Variants in GAL3ST3 observed in about 807,000 individuals in gnomAD.
The protein encoded by GAL3ST3 is galactose-3-O-sulfotransferase 3.
In GAL3ST3, 21 loss-of-function variants were observed where a neutral mutation model predicts 20.8. The ratio of observed to expected loss-of-function variants is 1.01; its 90% CI spans 0.72 to 1.45. The LOEUF (loss-of-function observed/expected upper bound fraction) is 1.45, where lower values mean the gene tolerates loss of function less well. Ranked by LOEUF, GAL3ST3 falls within the 40% of genes most tolerant of loss-of-function variation. GAL3ST3 has a pLI of 0.00. For synonymous variants in GAL3ST3, 355 were observed against 307.2 expected (o/e 1.16, Z -1.63); for missense variants, 739 against 662.7 (o/e 1.12, Z -1.26).
chr11:66,041,378 A>C lies in GAL3ST3; in HGVS notation c.*1129T>G, dbSNP rs951661929. On this transcript the variant is annotated 3_prime_UTR_variant, in exon 3 of 3. Transcript: ENST00000312006. ...CAATTCTCTGCTAGTCTTAAGGGAG[A>C]TTTCACCTGGAAGTGCTGGCTATCT... is the stretch of plus-strand genomic sequence containing the variant. Among the ~76,000 whole-genome samples, 2 of 152,176 alleles carry C rather than the reference A, an allele frequency of 1.3e-5. No homozygotes were observed. Among genetic ancestry groups the C allele is most frequent in the African/African-American group, 4.8e-5 (2 of 41,434 alleles).
In GAL3ST3 at chr11:66,042,821, G is replaced by A; in HGVS notation, c.982C>T (p.Arg328Cys). 1.4e-6 allele frequency: 2 copies of A among 1,408,482 alleles called. No homozygotes were observed. The highest frequency in any genetic ancestry group is 2.9e-5 in the East Asian group (1 of 34,832). The allele number at this position is 1,408,482 out of a possible 1,614,324, so 87.2% of individuals were successfully genotyped here. A position where few individuals can be genotyped will look rare whatever the true frequency, so the allele number is the denominator to read the frequency against. The change falls in exon 3 of 3, where the codon CGC becomes TGC. Residue 328 changes from arginine (R) to cysteine (C), a missense_variant. Physicochemically the swap from Arg to Cys is radical, Grantham distance 180. Transcript: ENST00000312006. ...AAGCAGCGCCGCAGTAGGCGCTGGC[G>A]GGCCTCGCGCAGCTCGCGCGCCTCG... ...EREARELREA[R>C]QRLLRRCFGD...
At position 66,043,626 on chromosome 11, in the gene GAL3ST3, C is replaced by A. The variant is rs760719703; in HGVS notation, c.177G>T (p.Pro59=). The stretch of plus-strand genomic sequence containing the variant: ...AGGCCACAGTCATGTGCTTGGGGCG[C>A]GGCGGCGAGTTCCGCAGAGGAGGGC... ...LSCPPLRNSP[P]RPKHMTVAFL... Residue 59 remains proline, a synonymous_variant, in exon 3 of 3, where the codon CCG becomes CCT. Coordinates refer to ENST00000312006, the MANE Select transcript of GAL3ST3 (RefSeq NM_033036.3). 6.2e-7 allele frequency: 1 copy of A among 1,611,928 alleles called. No individual in the cohort carries two copies. The highest frequency in any genetic ancestry group is 1.3e-5 in the African/African-American group (1 of 74,876).
At chr11:66,048,614 C>T (rs947110407) in intron 1 of GAL3ST3, among the ~76,000 whole-genome samples, 1 of 151,544 alleles carries the variant, frequency 6.6e-6, no homozygotes, top group African/African-American at 2.4e-5. Flanking sequence ...TTCCACCTCC[C>T]TCTTTTTCCT....
chr11:66,042,328 AAGGTTCAGCCCACGATCGGG>A lies in GAL3ST3; in HGVS notation c.*159_*178del. On this transcript the variant is annotated 3_prime_UTR_variant, in exon 3 of 3. Coordinates refer to ENST00000312006, the MANE Select transcript of GAL3ST3 (RefSeq NM_033036.3). The stretch of plus-strand genomic sequence containing the variant: ...GCCTATCAGCGCCGTGCCCGAAGGC[AAGGTTCAGCCCACGATCGGG>A]AGCGGGGGCTCAGATAGGGAGGCGT... 1.8e-6 allele frequency: 1 copy of A among 549,016 alleles called. No homozygotes were observed. The highest frequency in any genetic ancestry group is 3.1e-6 in the Non-Finnish European group (1 of 321,286). 34.0% of individuals were successfully genotyped at this position (549,016 alleles called of 1,614,324 possible).
At position 66,042,252 on chromosome 11, in the gene GAL3ST3, T is replaced by G; in HGVS notation, c.*255A>C. ...TTCTGGACAGCCCTCAGGCCTCTTG[T>G]CAAAATCACCAACCAGCTGGGAAGG... On this transcript the variant is annotated 3_prime_UTR_variant, in exon 3 of 3. Coordinates refer to ENST00000312006, the MANE Select transcript of GAL3ST3 (RefSeq NM_033036.3). 3 of 457,582 alleles carry G rather than the reference T, an allele frequency of 6.6e-6. No homozygotes were observed. Among genetic ancestry groups the G allele is most frequent in the Admixed American group, 4.2e-5 (1 of 23,590 alleles). 28.3% of individuals were successfully genotyped at this position (457,582 alleles called of 1,614,324 possible).
In GAL3ST3 at chr11:66,043,128, C is replaced by G. The variant is rs150940428; in HGVS notation, c.675G>C (p.Ala225=). The G allele has an allele frequency of 4.3e-6, 7 of 1,611,650 alleles. No homozygotes were observed. In the Admixed American group the frequency reaches 1.0e-4, roughly 23 times the overall value. The change falls in exon 3 of 3, where the codon GCG becomes GCC. Residue 225 remains alanine, a synonymous_variant. Transcript: ENST00000312006. ...CCTCCTCCACCTGGCGGATGAGGCC[C>G]GCCAGGTAGGCGGCGTCGTCGCGCG... ...RSPRDDAAYL[A]GLIRQVEEVF... is the part of the protein sequence containing the mutation.
chr11:66,042,571 G>C lies in GAL3ST3; in HGVS notation c.1232C>G (p.Pro411Arg). The C allele has an allele frequency of 6.5e-7, 1 of 1,534,632 alleles. No homozygotes were observed. Among genetic ancestry groups the C allele is most frequent in the Non-Finnish European group, 8.7e-7 (1 of 1,147,124 alleles). The change falls in exon 3 of 3, where the codon CCC (proline) becomes CGC (arginine). Residue 411 changes from proline (P) to arginine (R), a missense_variant. Physicochemically the swap from Pro to Arg is moderately radical, Grantham distance 103 (BLOSUM62 -2). Coordinates refer to ENST00000312006, the MANE Select transcript of GAL3ST3 (RefSeq NM_033036.3). Reference protein sequence around the residue: ...RRGGARARPEPVLDNPPPRPI... With the variant: ...RRGGARARPERVLDNPPPRPI... ...CCGAGGCGGGGGATTGTCCAGGACG[G>C]GCTCGGGCCGAGCCCGCGCACCGCC...
chr11:66,045,020 A>G (rs1227228300), intron 2 of GAL3ST3: 2 of 277,424 alleles, frequency 7.2e-6, no homozygotes, highest in Non-Finnish European at 1.3e-5. Flanking sequence ...GCACTACGGA[A>G]GTTGTGAGAA....
At position 66,045,471 on chromosome 11, in the gene GAL3ST3, C is replaced by T; in HGVS notation, c.-56G>A. 1.3e-6 allele frequency: 2 copies of T among 1,489,884 alleles called. No individual in the cohort carries two copies. Among genetic ancestry groups the T allele is most frequent in the Non-Finnish European group, 1.8e-6 (2 of 1,115,866 alleles). 92.3% of individuals were successfully genotyped at this position (1,489,884 alleles called of 1,614,324 possible). A position where few individuals can be genotyped will look rare whatever the true frequency, so the allele number is the denominator to read the frequency against. On this transcript the variant is annotated 5_prime_UTR_variant, in exon 2 of 3. The change creates a new upstream start codon in the 5' untranslated region. Coordinates refer to ENST00000312006, the MANE Select transcript of GAL3ST3 (RefSeq NM_033036.3). ...GCCTCACTATCCAGGACTCCCTTCA[C>T]AGGCACTCATGGGGGATCCTGCGGC...
rs1339874629 is a variant in GAL3ST3 at position 66,042,576 on chromosome 11, G to C, written c.1227C>G (p.Pro409=). 1.8e-5 allele frequency: 28 copies of C among 1,534,818 alleles called. No individual in the cohort carries two copies. Among genetic ancestry groups the C allele is most frequent in the Non-Finnish European group, 2.4e-5 (27 of 1,147,140 alleles). The change falls in exon 3 of 3, where the codon CCC becomes CCG. Residue 409 remains proline, a synonymous_variant. Transcript: ENST00000312006. The part of the protein sequence containing the change: ...QKRRGGARAR[P]EPVLDNPPPR... Reference sequence around the variant, plus strand: ...GCGGGGGATTGTCCAGGACGGGCTCGGGCCGAGCCCGCGCACCGCCCCGGC... The same window carrying C: ...GCGGGGGATTGTCCAGGACGGGCTCCGGCCGAGCCCGCGCACCGCCCCGGC...
In GAL3ST3 at chr11:66,042,793, C is replaced by G. The variant is rs909295969; in HGVS notation, c.1010G>C (p.Gly337Ala). Residue 337 changes from glycine to alanine, a missense_variant, in exon 3 of 3, where the codon GGG becomes GCG. By Grantham distance (60) the Gly-to-Ala change is moderately conservative. Coordinates refer to ENST00000312006, the MANE Select transcript of GAL3ST3 (RefSeq NM_033036.3). ...GGCAGGCCGCAGCAGTGGCTCGTCC[C>G]CGAAGCAGCGCCGCAGTAGGCGCTG... is the stretch of plus-strand genomic sequence containing the variant. Reference protein sequence around the residue: ...ARQRLLRRCFGDEPLLRPAAQ... With the variant: ...ARQRLLRRCFADEPLLRPAAQ... The G allele has an allele frequency of 2.0e-5, 29 of 1,475,798 alleles. No individual in the cohort carries two copies. Among genetic ancestry groups the G allele is most frequent in the Non-Finnish European group, 2.5e-5 (28 of 1,123,514 alleles). 91.4% of individuals were successfully genotyped at this position (1,475,798 alleles called of 1,614,324 possible). A position where few individuals can be genotyped will look rare whatever the true frequency, so the allele number is the denominator to read the frequency against.
At position 66,042,690 on chromosome 11, in the gene GAL3ST3, G is replaced by C; in HGVS notation, c.1113C>G (p.Gly371=). Residue 371 remains glycine, a synonymous_variant, in exon 3 of 3, where the codon GGC becomes GGG. Coordinates refer to ENST00000312006, the MANE Select transcript of GAL3ST3 (RefSeq NM_033036.3). ...CCTCGGTGGCCGGGCCGGCGCCGCC[G>C]CCGGGCAGGTCATAGCCCATAATGT... is the stretch of plus-strand genomic sequence containing the variant. ...KVDIMGYDLP[G]GGAGPATEAC... is the part of the protein sequence containing the mutation. The C allele has an allele frequency of 2.0e-6, 3 of 1,534,014 alleles. No individual in the cohort carries two copies. The highest frequency in any genetic ancestry group is 2.6e-6 in the Non-Finnish European group (3 of 1,145,796).
chr11:66,045,262 C>T (rs779311996), intron 2 of GAL3ST3, 29 bp downstream of exon 2: 2 of 1,489,450 alleles, frequency 1.3e-6, no homozygotes, highest in African/African-American at 1.4e-5. Context: ...GAGGGGAGCT[C>T]CGGCCCCCCT....
intron 1 of GAL3ST3, among the ~76,000 whole-genome samples, chr11:66,047,144 T>C (rs1285546782): frequency 2.6e-5 from 4 of 152,096 alleles, no homozygotes; most frequent in Admixed American, 6.5e-5. Flanking sequence ...CCCTGTCTCT[T>C]CAAGGATTGC....
chr11:66,045,477 C>A lies in GAL3ST3; in HGVS notation c.-62G>T. The A allele has an allele frequency of 6.8e-7, 1 of 1,460,818 alleles. No individual in the cohort carries two copies. Among genetic ancestry groups the A allele is most frequent in the Non-Finnish European group, 9.1e-7 (1 of 1,098,970 alleles). 90.5% of individuals were successfully genotyped at this position (1,460,818 alleles called of 1,614,324 possible). On this transcript the variant is annotated 5_prime_UTR_variant, in exon 2 of 3. Transcript: ENST00000312006. ...CTATCCAGGACTCCCTTCACAGGCA[C>A]TCATGGGGGATCCTGCGGCTCTGGT...
Position 66,042,788 on chromosome 11 carries a change from C to A in GAL3ST3, c.1015G>T (p.Glu339Ter), listed in dbSNP as rs1464501694. Residue 339 changes from glutamate (E) to a stop codon, truncating the protein, a stop_gained, in exon 3 of 3, where the codon GAG becomes TAG. Transcript: ENST00000312006. LOFTEE classifies it high-confidence loss of function. Reference protein sequence around the residue: ...QRLLRRCFGDEPLLRPAAQIR... With the variant: ...QRLLRRCFGD Reference sequence around the variant, plus strand: ...TGCGCGGCAGGCCGCAGCAGTGGCTCGTCCCCGAAGCAGCGCCGCAGTAGG... The same window carrying A: ...TGCGCGGCAGGCCGCAGCAGTGGCTAGTCCCCGAAGCAGCGCCGCAGTAGG... The A allele has an allele frequency of 1.3e-6, 2 of 1,488,742 alleles. No homozygotes were observed. Among genetic ancestry groups the A allele is most frequent in the Non-Finnish European group, 1.8e-6 (2 of 1,129,438 alleles). 92.2% of individuals were successfully genotyped at this position (1,488,742 alleles called of 1,614,324 possible). A position where few individuals can be genotyped will look rare whatever the true frequency, so the allele number is the denominator to read the frequency against.
intron 2 of GAL3ST3, chr11:66,044,958 T>G (rs1856764372): frequency 5.4e-6 from 1 of 185,366 alleles, no homozygotes. Context: ...TGTCTCACTT[T>G]ATAGATGAGA....
intron 1 of GAL3ST3, 173 bp from the exon 2 acceptor site, chr11:66,045,700 T>C (rs1039391151): frequency 1.5e-5 from 4 of 271,520 alleles, no homozygotes; most frequent in African/African-American, 2.2e-5. Flanking sequence ...GATAACTTAG[T>C]CTTGGGTGGA....
Position 66,043,572 on chromosome 11 carries a change from C to T in GAL3ST3, c.231G>A (p.Thr77=), listed in dbSNP as rs2135019922. ...AGCGAAACAGGATGTTCTGCACCGT[C>T]GTGCCTGCCGTCTTGTGAGTCTTCA... The part of the protein sequence containing the change: ...AFLKTHKTAG[T]TVQNILFRFA... Residue 77 remains threonine, a synonymous_variant, in exon 3 of 3, where the codon ACG becomes ACA. Coordinates refer to ENST00000312006, the MANE Select transcript of GAL3ST3 (RefSeq NM_033036.3). The T allele has an allele frequency of 1.2e-6, 2 of 1,612,428 alleles. No homozygotes were observed. The highest frequency in any genetic ancestry group is 1.1e-5 in the South Asian group (1 of 91,084).
Sources: allele counts gnomAD v4.1 joint callset (sites outside exome capture counted in the v4.1 genomes callset), GRCh38; gene constraint gnomAD v4.1.1; transcripts MANE v1.5; gene names NCBI Gene and HGNC (gene_info 2026-07-23, HGNC 2026-07-21).